The following CD200R1 variants were observed in gnomAD, a reference collection of about 807,000 sequenced individuals.
The protein encoded by CD200R1 is CD200 receptor 1, also known as cell surface glycoprotein CD200 receptor 1.
In CD200R1, 30 loss-of-function variants were observed where a neutral mutation model predicts 38.1. That is an observed-to-expected ratio of 0.79 (90% CI 0.59 to 1.07). The LOEUF (loss-of-function observed/expected upper bound fraction) is 1.07. CD200R1 is among the 50% of genes least tolerant of loss of function. CD200R1 has a pLI of 0.00. For missense variants in CD200R1, 372 were observed against 415.4 expected, an observed-to-expected ratio of 0.90 and a Z score of 0.91; for synonymous variants, 128 against 152.1, an observed-to-expected ratio of 0.84 and a Z score of 1.16.
intron 1 of CD200R1, among the ~76,000 whole-genome samples, chr3:112,974,243 A>G (rs1310613054): frequency 6.6e-6 from 1 of 152,150 alleles, no homozygotes; most frequent in Admixed American, 6.5e-5. Context: ...CAAGACCAGC[A>G]TGGACAATAT....
Position 112,928,919 on chromosome 3 carries a change from A to C in CD200R1, c.666T>G (p.Thr222=). 6 of 1,613,998 alleles carry C rather than the reference A, an allele frequency of 3.7e-6. No individual in the cohort carries two copies. The highest frequency in any genetic ancestry group is 5.1e-6 in the Non-Finnish European group (6 of 1,179,962). ...KQEYWSNGTV[T]VKSTCHWEVH... ...CCTCCCAGTGGCATGTACTCTTAAC[A>C]GTCACTGTGCCATTGCTCCAGTATT... The change falls in exon 5 of 8, where the codon ACT becomes ACG. Residue 222 remains threonine, a synonymous_variant. Transcript: ENST00000308611.
intron 1 of CD200R1, among the ~76,000 whole-genome samples, chr3:112,949,402 AAACT>A (rs1418349843): frequency 6.6e-6 from 1 of 152,256 alleles, no homozygotes; most frequent in African/African-American, 2.4e-5. Flanking sequence ...TTTCTTTAGC[AAACT>A]GTTCTTTTAA....
At chr3:112,953,333 C>T (rs1233838387) in intron 1 of CD200R1, among the ~76,000 whole-genome samples, 2 of 152,100 alleles carry the variant, frequency 1.3e-5, no homozygotes, top group African/African-American at 4.8e-5. Flanking sequence ...TCTTTTTAAT[C>T]TGCTATTTAT....
At chr3:112,937,059 AAAAG>A (rs1175196234) in intron 2 of CD200R1, among the ~76,000 whole-genome samples, 1 of 152,186 alleles carries the variant, frequency 6.6e-6, no homozygotes, top group East Asian at 1.9e-4. Context: ...GATAATTTAT[AAAAG>A]AAAGAGGTTT....
rs573930161 is a variant in CD200R1, at chr3:112,949,667, T to A, written c.68-1743A>T. 3.3e-5 allele frequency among the ~76,000 whole-genome samples: 5 copies of A among 152,336 alleles called. No individual in the cohort carries two copies. The East Asian group carries it at 9.6e-4, about 29-fold the overall frequency. On this transcript the variant is annotated intron_variant, in intron 1 of 7. Transcript: ENST00000308611. ...ATCAATGGTTAGAGCCTAAGAAATATGCTAGGATAGATACACAACCCAAAT... is the reference window on the plus strand; with the variant it reads ...ATCAATGGTTAGAGCCTAAGAAATAAGCTAGGATAGATACACAACCCAAAT...
At chr3:112,928,121 G>A (rs1172075539) in intron 5 of CD200R1, among the ~76,000 whole-genome samples, 1 of 152,140 alleles carries the variant, frequency 6.6e-6, no homozygotes, top group Non-Finnish European at 1.5e-5. Context: ...ATAGCAGTAT[G>A]AGCATGTTGT....
At position 112,922,013 on chromosome 3, in the gene CD200R1, A is replaced by G. The variant is rs1282382244; in HGVS notation, c.*1664T>C. The G allele has an allele frequency of 2.6e-5, 4 of 152,166 alleles. No homozygotes were observed. The highest frequency in any genetic ancestry group is 5.9e-5 in the Non-Finnish European group (4 of 67,954). 9.4% of individuals were successfully genotyped at this position (152,166 alleles called of 1,614,324 possible). On this transcript the variant is annotated 3_prime_UTR_variant, in exon 8 of 8. Coordinates refer to ENST00000308611, the MANE Select transcript of CD200R1 (RefSeq NM_138806.4). ...TGTCTATTGTGAACATTGCTTGGTA[A>G]TATTTATATGCAGAAACCTAATGGA... is the stretch of plus-strand genomic sequence containing the variant.
chr3:112,973,614 GCAGT>G (rs1933363107), intron 1 of CD200R1, among the ~76,000 whole-genome samples: 1 of 152,180 alleles, frequency 6.6e-6, no homozygotes, highest in African/African-American at 2.4e-5. Flanking sequence ...ATAGAAAGGT[GCAGT>G]CAAAGAGTGT....
chr3:112,930,989 C>A, intron 3 of CD200R1, 117 bp downstream of exon 3: 1 of 713,886 alleles, frequency 1.4e-6, no homozygotes, highest in Non-Finnish European at 2.5e-6. Context: ...GTACTCAGAT[C>A]ACCAAGTTCT....
At chr3:112,924,649 T>C (rs1940242591) in intron 6 of CD200R1, 114 bp from the exon 7 acceptor site, 1 of 611,426 alleles carries the variant, frequency 1.6e-6, no homozygotes, top group Non-Finnish European at 2.3e-6. Context: ...ATAGAAGCCA[T>C]AATAAATCAG....
At chr3:112,962,563 G>A (rs1189161136) in intron 1 of CD200R1, among the ~76,000 whole-genome samples, 1 of 152,130 alleles carries the variant, frequency 6.6e-6, no homozygotes, top group Non-Finnish European at 1.5e-5. Context: ...TATAAATGAA[G>A]ATGCAGCACT....
chr3:112,940,377 A>C (rs546584258), intron 2 of CD200R1, among the ~76,000 whole-genome samples: 1 of 152,074 alleles, frequency 6.6e-6, no homozygotes, highest in East Asian at 1.9e-4. Context: ...GAATGAATAA[A>C]CTTACAGAAT....
At chr3:112,959,775 GTTA>G (rs553087926) in intron 1 of CD200R1, among the ~76,000 whole-genome samples, 135 of 152,132 alleles carry the variant, frequency 8.9e-4, no homozygotes, top group African/African-American at 3.2e-3. Context: ...GATCTTCAAA[GTTA>G]TTATAATGAA....
chr3:112,948,927 G>A (rs1245632833), intron 1 of CD200R1, among the ~76,000 whole-genome samples: 1 of 152,218 alleles, frequency 6.6e-6, no homozygotes, highest in Non-Finnish European at 1.5e-5. Context: ...TCAGTGCAAT[G>A]ATCGAAGTTG....
intron 2 of CD200R1, among the ~76,000 whole-genome samples, chr3:112,942,092 T>C (rs1035640074): frequency 3.3e-5 from 5 of 151,616 alleles, no homozygotes; most frequent in Admixed American, 3.3e-4. Context: ...TTGAGAGAAA[T>C]TTTTTTAGAG....
At chr3:112,969,910 G>A (rs570472670) in intron 1 of CD200R1, among the ~76,000 whole-genome samples, 1 of 152,160 alleles carries the variant, frequency 6.6e-6, no homozygotes, top group South Asian at 2.1e-4. Context: ...AGTGACTCAC[G>A]CCTGTAATTC....
chr3:112,940,391 A>G (rs764215565), intron 2 of CD200R1, among the ~76,000 whole-genome samples: 9 of 152,010 alleles, frequency 5.9e-5, no homozygotes, highest in Non-Finnish European at 1.2e-4. Context: ...ACAGAATGGG[A>G]TAAAATATTT....
At chr3:112,949,217 G>C (rs964365418) in intron 1 of CD200R1, among the ~76,000 whole-genome samples, 1 of 152,228 alleles carries the variant, frequency 6.6e-6, no homozygotes, top group Non-Finnish European at 1.5e-5. Flanking sequence ...ATATCGGCAG[G>C]CTCTAACTGT....
Position 112,975,089 on chromosome 3 carries a change from A to G in CD200R1, c.-232T>C, listed in dbSNP as rs1933410183. The G allele has an allele frequency of 1.8e-6, 1 of 542,316 alleles. No homozygotes were observed. Among genetic ancestry groups the G allele is most frequent in the African/African-American group, 1.9e-5 (1 of 53,298 alleles). 33.6% of individuals were successfully genotyped at this position (542,316 alleles called of 1,614,324 possible). A position where few individuals can be genotyped will look rare whatever the true frequency, so the allele number is the denominator to read the frequency against. ...CTTTTCTCTGGAACTTGACACAGCAATAGATTTCCTGTATGAAGCCCTGAA... is the reference window on the plus strand; with the variant it reads ...CTTTTCTCTGGAACTTGACACAGCAGTAGATTTCCTGTATGAAGCCCTGAA... On this transcript the variant is annotated 5_prime_UTR_variant, in exon 1 of 8. Transcript: ENST00000308611.
Sources: allele counts gnomAD v4.1 joint callset (sites outside exome capture counted in the v4.1 genomes callset), GRCh38; gene constraint gnomAD v4.1.1; transcripts MANE v1.5; gene names NCBI Gene and HGNC (gene_info 2026-07-23, HGNC 2026-07-21).